Variants in GRB10 observed in about 807,000 individuals in gnomAD.
GRB10 encodes the protein growth factor receptor bound protein 10, also known as growth factor receptor-bound protein 10.
In GRB10, 20 loss-of-function variants were observed where a neutral mutation model predicts 80.9. The ratio of observed to expected loss-of-function variants is 0.25; its 90% CI spans 0.17 to 0.36. GRB10 has a LOEUF of 0.36. GRB10 is among the 10% of genes least tolerant of loss of function. The pLI, the probability that GRB10 is intolerant of heterozygous loss-of-function variation, is 1.00. For synonymous variants in GRB10, 291 were observed against 291.5 expected (o/e 1.00, Z 0.02); for missense variants, 548 against 747.7 (o/e 0.73, Z 3.12).
intron 5 of GRB10, among the ~76,000 whole-genome samples, chr7:50,684,267 C>CAAAAACAA (rs2061857276): frequency 1.6e-5 from 1 of 62,278 alleles, no homozygotes; most frequent in Non-Finnish European, 2.7e-5. Flanking sequence ...CAATCATCAC[C>CAAAAACAA]AAAAAAAAAA....
rs186323629 is a variant in GRB10 at position 50,721,196 on chromosome 7, A to C, written c.51+11076T>G. 8.8e-3 allele frequency among the ~76,000 whole-genome samples: 1,346 copies of C among 152,358 alleles called. 8 individuals are homozygous for C. The highest frequency in any genetic ancestry group is 0.013 in the Non-Finnish European group (912 of 68,030). On this transcript the variant is annotated intron_variant, in intron 4 of 18. Coordinates refer to ENST00000401949, the MANE Select transcript of GRB10 (RefSeq NM_001350814.2). ...ACTTTCTGCAGCTTCAGTTACCCAC[A>C]GTCAACTGTGGTCCAAAAATATTAA... is the stretch of plus-strand genomic sequence containing the variant.
chr7:50,697,721 T>C (rs147668062), intron 5 of GRB10, among the ~76,000 whole-genome samples: 4 of 152,260 alleles, frequency 2.6e-5, no homozygotes, highest in African/African-American at 9.6e-5. Flanking sequence ...TCCCAAAGCA[T>C]CTCGTTAAAA....
chr7:50,663,621 G>A (rs1189200556), intron 7 of GRB10, among the ~76,000 whole-genome samples: 2 of 152,246 alleles, frequency 1.3e-5, no homozygotes, highest in South Asian at 2.1e-4. Context: ...CTGGAGCCAC[G>A]TGTCTAACTA....
intron 7 of GRB10, among the ~76,000 whole-genome samples, chr7:50,664,545 G>A (rs2059604874): frequency 6.6e-6 from 1 of 152,210 alleles, no homozygotes. Flanking sequence ...AGGTCTCGGA[G>A]CACATCCTTC....
chr7:50,669,066 G>A (rs1023481855), intron 7 of GRB10, among the ~76,000 whole-genome samples: 2 of 152,190 alleles, frequency 1.3e-5, no homozygotes, highest in Non-Finnish European at 2.9e-5. Context: ...CCAGGTGCCC[G>A]GGTGAGCCCA....
At chr7:50,622,514 A>G (rs1363940893) in intron 8 of GRB10, among the ~76,000 whole-genome samples, 1 of 152,160 alleles carries the variant, frequency 6.6e-6, no homozygotes, top group Non-Finnish European at 1.5e-5. Context: ...AGGACAACGG[A>G]ATTCCTCAAA....
chr7:50,632,188 A>G (rs2054123276), intron 7 of GRB10, among the ~76,000 whole-genome samples: 1 of 152,258 alleles, frequency 6.6e-6, no homozygotes, highest in Admixed American at 6.5e-5. Flanking sequence ...ATTTCTTGAT[A>G]TAAGGGATAA....
chr7:50,660,399 G>T lies in GRB10; in HGVS notation c.504+9323C>A, dbSNP rs2059136279. ...GGAAGTGGGGTGGAGTGGACGTCCT[G>T]CCACGTTCACACGGCAAGAGGGGAG... On this transcript the variant is annotated intron_variant, in intron 7 of 18. Coordinates refer to ENST00000401949, the MANE Select transcript of GRB10 (RefSeq NM_001350814.2). 2.6e-5 allele frequency among the ~76,000 whole-genome samples: 4 copies of T among 152,070 alleles called. No individual in the cohort carries two copies. In the South Asian group the frequency reaches 8.3e-4, roughly 32 times the overall value.
chr7:50,733,710 A>T (rs1298363183), intron 3 of GRB10, among the ~76,000 whole-genome samples: 1 of 152,226 alleles, frequency 6.6e-6, no homozygotes, highest in Non-Finnish European at 1.5e-5. Flanking sequence ...TCTCCGGCTC[A>T]CAGTCAGCCT....
At position 50,687,102 on chromosome 7, in the gene GRB10, C is replaced by G. The variant is rs561008849; in HGVS notation, c.140-12444G>C. 3.3e-3 allele frequency among the ~76,000 whole-genome samples: 500 copies of G among 152,242 alleles called. 1 individual carries two copies. Among genetic ancestry groups the G allele is most frequent in the Non-Finnish European group, 5.5e-3 (373 of 68,012 alleles). On this transcript the variant is annotated intron_variant, in intron 5 of 18. Transcript: ENST00000401949. Reference sequence around the variant, plus strand: ...CGTCAATCAAGCGGTAGAATTTTCCCGAAAGCCAGCCAGCCAGGCAGAGCT... The same window carrying G: ...CGTCAATCAAGCGGTAGAATTTTCCGGAAAGCCAGCCAGCCAGGCAGAGCT...
intron 12 of GRB10, among the ~76,000 whole-genome samples, chr7:50,613,462 G>C (rs2049955596): frequency 1.3e-5 from 2 of 152,134 alleles, no homozygotes; most frequent in Non-Finnish European, 2.9e-5. Context: ...CCAGAGGCAG[G>C]GCCCTTTGGT....
Position 50,595,489 on chromosome 7 carries a change from A to G in GRB10, c.1586T>C (p.Phe529Ser), listed in dbSNP as rs1247522170. The G allele has an allele frequency of 6.2e-7, 1 of 1,611,830 alleles. No individual in the cohort carries two copies. The highest frequency in any genetic ancestry group is 8.5e-7 in the Non-Finnish European group (1 of 1,178,078). The stretch of plus-strand genomic sequence containing the variant: ...CTGGTGATGACACAGTGTGAGTACA[A>G]ATGCCTTTGGATTACTCTGGCTGTC... The part of the protein sequence containing the change: ...LRDSQSNPKA[F>S]VLTLCHHQKI... The change falls in exon 18 of 19, where the codon TTT becomes TCT. Residue 529 changes from phenylalanine to serine, a missense_variant. Physicochemically the swap from Phe to Ser is radical, Grantham distance 155. Transcript: ENST00000401949.
At chr7:50,751,297 A>C (rs1466772229) in intron 3 of GRB10, among the ~76,000 whole-genome samples, 1 of 152,218 alleles carries the variant, frequency 6.6e-6, no homozygotes, top group African/African-American at 2.4e-5. Context: ...AGAGGCTCAG[A>C]TACAGAAAGA....
At chr7:50,667,847 T>G (rs1040950991) in intron 7 of GRB10, among the ~76,000 whole-genome samples, 3 of 152,078 alleles carry the variant, frequency 2.0e-5, no homozygotes, top group African/African-American at 7.2e-5. Flanking sequence ...ATTCCCCGGT[T>G]TCCTTGTTCT....
intron 4 of GRB10, among the ~76,000 whole-genome samples, chr7:50,726,695 T>C (rs1185104975): frequency 2.0e-5 from 3 of 152,140 alleles, no homozygotes; most frequent in Non-Finnish European, 2.9e-5. Flanking sequence ...TTAGGGACAA[T>C]ACATAATAAT....
At chr7:50,721,319 G>A (rs114588762) in intron 4 of GRB10, among the ~76,000 whole-genome samples, 97 of 152,266 alleles carry the variant, frequency 6.4e-4, no homozygotes, top group African/African-American at 2.1e-3. Flanking sequence ...CCCAGGATGC[G>A]ACTCCTCCCT....
At chr7:50,624,319 G>C (rs1296024941) in intron 8 of GRB10, among the ~76,000 whole-genome samples, 4 of 152,228 alleles carry the variant, frequency 2.6e-5, no homozygotes, top group Non-Finnish European at 5.9e-5. Context: ...CCATGATAAA[G>C]AAGAAGCCCC....
chr7:50,713,035 C>T (rs939294007), intron 4 of GRB10, among the ~76,000 whole-genome samples: 1 of 152,188 alleles, frequency 6.6e-6, no homozygotes, highest in African/African-American at 2.4e-5. Flanking sequence ...CAGTTTTGTT[C>T]CTGTTTTTGC....
chr7:50,727,332 T>G (rs2068810673), intron 4 of GRB10, among the ~76,000 whole-genome samples: 1 of 152,148 alleles, frequency 6.6e-6, no homozygotes, highest in East Asian at 1.9e-4. Context: ...CATGGTTGGT[T>G]GTTGTACCTG....
Sources: gnomAD v4.1 joint callset for allele counts (sites outside exome capture counted in the v4.1 genomes callset) on GRCh38, gnomAD v4.1.1 for gene constraint, MANE v1.5 for transcripts, NCBI Gene and HGNC (gene_info 2026-07-23, HGNC 2026-07-21) for gene names.